Variants in ROR1 observed in about 807,000 individuals in gnomAD.
ROR1 encodes the protein ROR family WNT receptor 1.
A neutral mutation model predicts 78.8 loss-of-function variants in ROR1; 19 were observed. That is an observed-to-expected ratio of 0.24 (90% CI 0.17 to 0.35). The LOEUF (loss-of-function observed/expected upper bound fraction) is 0.35, where lower values mean the gene tolerates loss of function less well. ROR1 is among the 10% of genes least tolerant of loss of function. The pLI is 1.00. For missense variants in ROR1, 917 were observed against 1,177.8 expected (o/e 0.78, Z 3.24); for synonymous variants, 386 against 433.6 (o/e 0.89, Z 1.36).
intron 2 of ROR1, among the ~76,000 whole-genome samples, chr1:64,030,651 G>A (rs1646652768): frequency 6.6e-6 from 1 of 152,174 alleles, no homozygotes; most frequent in African/African-American, 2.4e-5. Context: ...AATGCTCTGG[G>A]GGTGTTGGTA....
intron 1 of ROR1, among the ~76,000 whole-genome samples, chr1:63,804,729 G>A (rs1052899731): frequency 6.6e-6 from 1 of 152,082 alleles, no homozygotes; most frequent in Non-Finnish European, 1.5e-5. Context: ...ACAAGCTTGG[G>A]GCTGGGCTTA....
At chr1:64,080,823 C>G (rs1647095410) in intron 4 of ROR1, among the ~76,000 whole-genome samples, 1 of 152,168 alleles carries the variant, frequency 6.6e-6, no homozygotes, top group African/African-American at 2.4e-5. Context: ...GACAGTAGAG[C>G]TCAGCCATGA....
At chr1:64,119,611 CCTG>C (rs1170205435) in intron 4 of ROR1, among the ~76,000 whole-genome samples, 1 of 146,012 alleles carries the variant, frequency 6.8e-6, no homozygotes, top group Non-Finnish European at 1.5e-5. Flanking sequence ...TGCACTCCAG[CCTG>C]GGTGACAGAG....
chr1:63,815,526 G>A (rs1328094962), intron 1 of ROR1, among the ~76,000 whole-genome samples: 2 of 130,030 alleles, frequency 1.5e-5, no homozygotes, highest in Non-Finnish European at 3.1e-5. Context: ...GAAACCATAA[G>A]AATGTTTGGG....
intron 1 of ROR1, among the ~76,000 whole-genome samples, chr1:63,930,766 T>A (rs1036355751): frequency 2.0e-5 from 3 of 152,236 alleles, no homozygotes; most frequent in African/African-American, 7.2e-5. Flanking sequence ...GATAGCAATA[T>A]GTGAAGTGGT....
At chr1:63,907,358 T>A (rs1645537654) in intron 1 of ROR1, among the ~76,000 whole-genome samples, 1 of 152,198 alleles carries the variant, frequency 6.6e-6, no homozygotes, top group Non-Finnish European at 1.5e-5. Context: ...TCAGTTTCCT[T>A]CTCTGTAAAG....
intron 2 of ROR1, among the ~76,000 whole-genome samples, chr1:64,031,026 A>G (rs1257040172): frequency 1.3e-5 from 2 of 152,024 alleles, no homozygotes; most frequent in Non-Finnish European, 2.9e-5. Flanking sequence ...CCAGGCACAC[A>G]CCACCATGCC....
intron 1 of ROR1, among the ~76,000 whole-genome samples, chr1:63,978,404 A>G (rs962726607): frequency 2.6e-5 from 4 of 152,182 alleles, no homozygotes; most frequent in African/African-American, 9.7e-5. Context: ...TTTTGACAAT[A>G]ATTATACTTT....
intron 2 of ROR1, among the ~76,000 whole-genome samples, chr1:64,040,817 A>G (rs574357167): frequency 6.6e-6 from 1 of 152,344 alleles, no homozygotes; most frequent in Admixed American, 6.5e-5. Context: ...CATTCAACAT[A>G]TACATTTTAG....
intron 4 of ROR1, among the ~76,000 whole-genome samples, chr1:64,054,049 G>A (rs933534280): frequency 2.0e-5 from 3 of 151,934 alleles, no homozygotes; most frequent in Non-Finnish European, 1.5e-5. Flanking sequence ...TGCCTACTGG[G>A]CTCAAGCCAT....
chr1:63,918,726 A>G (rs1645629955), intron 1 of ROR1, among the ~76,000 whole-genome samples: 1 of 152,116 alleles, frequency 6.6e-6, no homozygotes, highest in South Asian at 2.1e-4. Flanking sequence ...AGAGACCGTT[A>G]GGGAGTTTGT....
At chr1:64,015,653 G>T (rs1479114480) in intron 2 of ROR1, among the ~76,000 whole-genome samples, 1 of 152,124 alleles carries the variant, frequency 6.6e-6, no homozygotes, top group African/African-American at 2.4e-5. Context: ...GGTTGAAGGT[G>T]GTATTGTAAG....
At chr1:64,128,772 A>T (rs1163889323) in intron 4 of ROR1, among the ~76,000 whole-genome samples, 2 of 152,174 alleles carry the variant, frequency 1.3e-5, no homozygotes, top group Non-Finnish European at 2.9e-5. Context: ...ATGAGACTAA[A>T]TATTAACACA....
At chr1:64,028,311 G>C (rs1646630834) in intron 2 of ROR1, among the ~76,000 whole-genome samples, 1 of 152,152 alleles carries the variant, frequency 6.6e-6, no homozygotes, top group Non-Finnish European at 1.5e-5. Context: ...CAGTCTAGTG[G>C]AAGAAACAGA....
At chr1:64,086,028 G>T (rs7521581) in intron 4 of ROR1, among the ~76,000 whole-genome samples, 1 of 151,954 alleles carries the variant, frequency 6.6e-6, no homozygotes, top group East Asian at 1.9e-4. Flanking sequence ...CCCAAGTTAA[G>T]GGACATATGG....
chr1:63,836,589 C>T (rs963285247), intron 1 of ROR1, among the ~76,000 whole-genome samples: 1 of 152,172 alleles, frequency 6.6e-6, no homozygotes, highest in Non-Finnish European at 1.5e-5. Context: ...GAAAGAGGAA[C>T]AGACACTGTA....
intron 1 of ROR1, among the ~76,000 whole-genome samples, chr1:63,895,706 C>A (rs972767406): frequency 2.6e-5 from 4 of 152,138 alleles, no homozygotes; most frequent in African/African-American, 9.7e-5. Context: ...GGAACCAAGT[C>A]TCAGAGTTGA....
intron 2 of ROR1, among the ~76,000 whole-genome samples, chr1:64,026,411 G>A (rs1395812378): frequency 6.6e-6 from 1 of 152,160 alleles, no homozygotes; most frequent in East Asian, 1.9e-4. Context: ...ATTTTATTTA[G>A]CAGTTATGTG....
At chr1:63,810,929 G>C (rs1644856539) in intron 1 of ROR1, among the ~76,000 whole-genome samples, 1 of 152,134 alleles carries the variant, frequency 6.6e-6, no homozygotes, top group Non-Finnish European at 1.5e-5. Context: ...TGTCAAAAAG[G>C]CCAGAACTCC....
Sources: allele counts gnomAD v4.1 joint callset (sites outside exome capture counted in the v4.1 genomes callset), GRCh38; gene constraint gnomAD v4.1.1; transcripts MANE v1.5; gene names NCBI Gene and HGNC (gene_info 2026-07-23, HGNC 2026-07-21).